USP31: variants seen among roughly 807,000 people sequenced by gnomAD.
The protein encoded by USP31 is ubiquitin carboxyl-terminal hydrolase 31.
Under a neutral mutation model 119.4 loss-of-function variants are expected in USP31, and 44 were observed. The ratio of observed to expected loss-of-function variants is 0.37; its 90% confidence interval spans 0.29 to 0.47. USP31 has a LOEUF of 0.47. USP31 is among the 20% of genes least tolerant of loss of function. USP31 has a pLI of 0.99. For missense variants in USP31, 1,643 were observed against 1,730.2 expected, an observed-to-expected ratio of 0.95 and a Z score of 0.89; for synonymous variants, 749 against 705.6, an observed-to-expected ratio of 1.06 and a Z score of -0.97.
intron 6 of USP31, among the ~76,000 whole-genome samples, chr16:23,099,978 AC>A (rs895034719): frequency 6.6e-6 from 1 of 152,242 alleles, no homozygotes; most frequent in African/African-American, 2.4e-5. Flanking sequence ...ATAATGAGAT[AC>A]CACTTCATAC....
chr16:23,132,086 A>C (rs544652774), intron 1 of USP31, among the ~76,000 whole-genome samples: 203 of 152,346 alleles, frequency 1.3e-3, no homozygotes, highest in African/African-American at 4.7e-3. Context: ...GAACTGCCAC[A>C]GTCCATGGCT....
intron 1 of USP31, among the ~76,000 whole-genome samples, chr16:23,119,195 T>A (rs566256305): frequency 2.0e-5 from 3 of 149,946 alleles, no homozygotes; most frequent in Non-Finnish European, 3.0e-5. Context: ...GCCTCCCGAG[T>A]TCAAGCGATT....
intron 1 of USP31, among the ~76,000 whole-genome samples, chr16:23,142,605 C>T (rs1567250038): frequency 6.6e-6 from 1 of 152,134 alleles, no homozygotes; most frequent in Non-Finnish European, 1.5e-5. Context: ...TGGTTCTGCT[C>T]CCTCAACCTC....
At chr16:23,115,740 T>C (rs1359099563) in intron 1 of USP31, 2 of 976,766 alleles carry the variant, frequency 2.0e-6, no homozygotes, top group Non-Finnish European at 2.4e-6. Context: ...TACTAAATAA[T>C]AAAGTAAAAG....
In USP31 at chr16:23,062,814, T is replaced by C. The variant is rs757967148; in HGVS notation, c.*5232A>G. ...ATCAGAAGGGCCCTTGTATTTCAAA[T>C]GGGAGTTTGATATCAGTATCTCTCA... On this transcript the variant is annotated 3_prime_UTR_variant, in exon 16 of 16. Transcript: ENST00000219689. 1.3e-5 allele frequency: 2 copies of C among 152,680 alleles called. No homozygotes were observed. Among genetic ancestry groups the C allele is most frequent in the Non-Finnish European group, 2.9e-5 (2 of 68,048 alleles). The allele number at this position is 152,680 out of a possible 1,614,324, so 9.5% of individuals were successfully genotyped here.
chr16:23,068,249 T>C lies in USP31; in HGVS notation c.3856A>G (p.Asn1286Asp), dbSNP rs1215004544. The change falls in exon 16 of 16, where the codon AAT becomes GAT. Residue 1286 changes from asparagine to aspartate, a missense_variant. Around this residue, in one of 5 missense-constraint regions of USP31, gnomAD observed 699 missense variants for 650.9 expected, o/e 1.07. Coordinates refer to ENST00000219689, the MANE Select transcript of USP31 (RefSeq NM_020718.4). The part of the protein sequence containing the change: ...QPPASQQPNA[N>D]TTGKEQLVTK... Reference sequence around the variant, plus strand: ...ACAAGCTGCTCTTTTCCCGTTGTATTTGCATTTGGCTGCTGGGAAGCTGGA... The same window carrying C: ...ACAAGCTGCTCTTTTCCCGTTGTATCTGCATTTGGCTGCTGGGAAGCTGGA... 6.2e-7 allele frequency: 1 copy of C among 1,614,146 alleles called. No homozygotes were observed. The highest frequency in any genetic ancestry group is 2.2e-5 in the East Asian group (1 of 44,866).
rs1181832606 is a variant in USP31 at position 23,115,299 on chromosome 16, T to C, written c.634-7116A>G. Among the ~76,000 whole-genome samples the C allele has an allele frequency of 7.2e-5, 11 of 152,358 alleles. No individual in the cohort carries two copies. In the East Asian group the frequency reaches 1.7e-3, roughly 24 times the overall value. On this transcript the variant is annotated intron_variant, in intron 1 of 15. Coordinates refer to ENST00000219689, the MANE Select transcript of USP31 (RefSeq NM_020718.4). ...CAGTTTTGAAAAAGTTGATTATCAA[T>C]GTCCTCTGTAAATAGAAGCATTGCT... is the stretch of plus-strand genomic sequence containing the variant.
At chr16:23,129,975 T>C (rs1343039766) in intron 1 of USP31, among the ~76,000 whole-genome samples, 1 of 152,122 alleles carries the variant, frequency 6.6e-6, no homozygotes, top group Non-Finnish European at 1.5e-5. Context: ...TGCTAACAGA[T>C]TTCTCTATAC....
At chr16:23,070,583 A>G (rs994691553) in intron 15 of USP31, among the ~76,000 whole-genome samples, 2 of 152,038 alleles carry the variant, frequency 1.3e-5, no homozygotes, top group African/African-American at 4.8e-5. Context: ...GTGTGGTGGC[A>G]GGTGCCTGTA....
Position 23,080,049 on chromosome 16 carries a change from C to T in USP31, c.2073G>A (p.Pro691=), listed in dbSNP as rs747576973. ...TCCCGAGTCCATAGGGCCGTCTCCACGGGGACCAATGCGATGGCAAACTCC... is the reference window on the plus strand; with the variant it reads ...TCCCGAGTCCATAGGGCCGTCTCCATGGGGACCAATGCGATGGCAAACTCC... ...SSWSLPSHWS[P]WRRPYGLGRD... is the part of the protein sequence containing the mutation. Residue 691 remains proline (P), a synonymous_variant, in exon 13 of 16, where the codon CCG becomes CCA. Coordinates refer to ENST00000219689, the MANE Select transcript of USP31 (RefSeq NM_020718.4). 17 of 1,613,974 alleles carry T rather than the reference C, an allele frequency of 1.1e-5. No individual in the cohort carries two copies. Among genetic ancestry groups the T allele is most frequent in the African/African-American group, 2.7e-5 (2 of 74,892 alleles).
intron 1 of USP31, among the ~76,000 whole-genome samples, chr16:23,134,089 TCACACACA>T (rs10557354): frequency 5.7e-4 from 83 of 146,432 alleles, no homozygotes; most frequent in African/African-American, 1.2e-3. Flanking sequence ...TCTCTCTCTC[TCACACACA>T]CACACACACA....
intron 1 of USP31, among the ~76,000 whole-genome samples, chr16:23,138,003 C>T (rs962717160): frequency 2.6e-5 from 4 of 152,024 alleles, no homozygotes; most frequent in South Asian, 2.1e-4. Context: ...ATATCGTAAG[C>T]GGACAAGAAG....
At chr16:23,104,494 G>T (rs1319557778) in intron 5 of USP31, among the ~76,000 whole-genome samples, 1 of 152,202 alleles carries the variant, frequency 6.6e-6, no homozygotes, top group Non-Finnish European at 1.5e-5. Flanking sequence ...CTGAAGAGAA[G>T]AAAGAGCCAA....
chr16:23,062,499 G>A lies in USP31; in HGVS notation c.*5547C>T, dbSNP rs1158734729. On this transcript the variant is annotated 3_prime_UTR_variant, in exon 16 of 16. Transcript: ENST00000219689. Reference sequence around the variant, plus strand: ...AGAATGAGCAAAAGTAGGAAATTCAGCGGCAGCCTGGGGTTTGCTACTGTA... The same window carrying A: ...AGAATGAGCAAAAGTAGGAAATTCAACGGCAGCCTGGGGTTTGCTACTGTA... The A allele has an allele frequency of 6.6e-6, 1 of 152,580 alleles. No individual in the cohort carries two copies. Among genetic ancestry groups the A allele is most frequent in the Non-Finnish European group, 1.5e-5 (1 of 68,036 alleles). The allele number at this position is 152,580 out of a possible 1,614,324, so 9.5% of individuals were successfully genotyped here.
At chr16:23,122,183 T>C (rs932594070) in intron 1 of USP31, among the ~76,000 whole-genome samples, 3 of 152,212 alleles carry the variant, frequency 2.0e-5, no homozygotes, top group Non-Finnish European at 2.9e-5. Flanking sequence ...CAGAAATAGA[T>C]GTTATCTAAT....
At chr16:23,141,952 CCT>C (rs1903365415) in intron 1 of USP31, among the ~76,000 whole-genome samples, 1 of 151,938 alleles carries the variant, frequency 6.6e-6, no homozygotes, top group South Asian at 2.1e-4. Flanking sequence ...AATGATCTCA[CCT>C]CTCTCTCAGC....
chr16:23,142,997 G>A (rs540195376), intron 1 of USP31, among the ~76,000 whole-genome samples: 1 of 152,318 alleles, frequency 6.6e-6, no homozygotes, highest in African/African-American at 2.4e-5. Context: ...TGAGTGCATG[G>A]AAAAGCAGGC....
At chr16:23,117,760 T>TTTTTTG (rs1555468289) in intron 1 of USP31, among the ~76,000 whole-genome samples, 9 of 145,002 alleles carry the variant, frequency 6.2e-5, no homozygotes, top group Admixed American at 1.4e-4. Context: ...TCTTTTTTTT[T>TTTTTTG]TTGTTGTTGT....
At chr16:23,146,477 G>A (rs952883301) in intron 1 of USP31, among the ~76,000 whole-genome samples, 1 of 152,036 alleles carries the variant, frequency 6.6e-6, no homozygotes, top group Non-Finnish European at 1.5e-5. Flanking sequence ...GCAGTGGGCC[G>A]AGATCAGGCC....
Sources: gnomAD v4.1 joint callset for allele counts (sites outside exome capture counted in the v4.1 genomes callset) on GRCh38, gnomAD v4.1.1 for gene constraint, gnomAD v4.1.1 regional missense constraint, MANE v1.5 for transcripts, NCBI Gene and HGNC (gene_info 2026-07-23, HGNC 2026-07-21) for gene names.